The following AFF3 variants were observed in gnomAD, a reference collection of about 807,000 sequenced individuals.
AFF3 encodes ALF transcription elongation factor 3, also known as AF4/FMR2 family member 3.
AFF3 carries 32 observed loss-of-function variants against 129.7 expected under a neutral mutation model. The ratio of observed to expected loss-of-function variants is 0.25; its 90% CI spans 0.19 to 0.33. AFF3 has a LOEUF of 0.33. Ranked by LOEUF, AFF3 falls within the 10% of genes least tolerant of loss-of-function variation. The pLI, the probability that AFF3 is intolerant of heterozygous loss-of-function variation, is 1.00. For missense variants in AFF3, 1,373 were observed against 1,592.0 expected (o/e 0.86, Z 2.34); for synonymous variants, 644 against 635.4 (o/e 1.01, Z -0.20).
intron 9 of AFF3, 120 bp from the exon 10 acceptor site, chr2:99,744,260 A>G: frequency 1.3e-6 from 1 of 783,284 alleles, no homozygotes; most frequent in Non-Finnish European, 2.1e-6. Flanking sequence ...AATCTCTATC[A>G]GCTACTTTAA....
chr2:100,122,814 C>T (rs946504161), intron 2 of AFF3, among the ~76,000 whole-genome samples: 4 of 152,192 alleles, frequency 2.6e-5, no homozygotes, highest in Admixed American at 1.3e-4. Context: ...ATGAGAGACT[C>T]TGAGAATACC....
chr2:99,661,540 C>T (rs1686230489), intron 12 of AFF3, among the ~76,000 whole-genome samples: 1 of 152,188 alleles, frequency 6.6e-6, no homozygotes, highest in Non-Finnish European at 1.5e-5. Context: ...TGAAACTAGG[C>T]ATATCCCATG....
At chr2:99,994,619 G>C (rs1473261787) in intron 7 of AFF3, among the ~76,000 whole-genome samples, 1 of 152,096 alleles carries the variant, frequency 6.6e-6, no homozygotes, top group Non-Finnish European at 1.5e-5. Context: ...AGAGGAACGG[G>C]CCTTGAAGGA....
At chr2:99,958,933 G>C (rs1465321305) in intron 7 of AFF3, among the ~76,000 whole-genome samples, 2 of 151,924 alleles carry the variant, frequency 1.3e-5, no homozygotes, top group Non-Finnish European at 2.9e-5. Context: ...GGCAACATAG[G>C]GGGGCCCATC....
intron 7 of AFF3, among the ~76,000 whole-genome samples, chr2:99,869,043 T>C (rs1347996669): frequency 1.3e-5 from 2 of 152,058 alleles, no homozygotes; most frequent in Non-Finnish European, 2.9e-5. Context: ...CCTCTGCCTC[T>C]GCCTCTGCCT....
At chr2:100,077,114 T>C (rs1033990680) in intron 4 of AFF3, among the ~76,000 whole-genome samples, 1 of 151,978 alleles carries the variant, frequency 6.6e-6, no homozygotes, top group African/African-American at 2.4e-5. Flanking sequence ...CCGGGCATGG[T>C]GGCAGGCACC....
chr2:99,886,706 T>C (rs1218158342), intron 7 of AFF3, among the ~76,000 whole-genome samples: 1 of 152,120 alleles, frequency 6.6e-6, no homozygotes. Flanking sequence ...TGAAAAAAAT[T>C]AGTGATGGAA....
At chr2:100,084,759 G>A (rs1225099637) in intron 4 of AFF3, among the ~76,000 whole-genome samples, 2 of 151,980 alleles carry the variant, frequency 1.3e-5, no homozygotes, top group African/African-American at 4.8e-5. Flanking sequence ...TTTCATAAAA[G>A]GGGAATTCTG....
chr2:99,985,402 T>A (rs1679771978), intron 7 of AFF3, among the ~76,000 whole-genome samples: 1 of 152,238 alleles, frequency 6.6e-6, no homozygotes, highest in Non-Finnish European at 1.5e-5. Flanking sequence ...TTTGCTAAAT[T>A]TATTGCTGCC....
At chr2:99,832,090 C>T (rs1289773125) in intron 8 of AFF3, among the ~76,000 whole-genome samples, 2 of 152,208 alleles carry the variant, frequency 1.3e-5, no homozygotes, top group East Asian at 1.9e-4. Flanking sequence ...ACTATGAAAC[C>T]TTTGCATAAA....
At chr2:99,642,751 G>C (rs1167497225) in intron 13 of AFF3, among the ~76,000 whole-genome samples, 1 of 152,198 alleles carries the variant, frequency 6.6e-6, no homozygotes, top group Non-Finnish European at 1.5e-5. Context: ...TACTGACCAG[G>C]AGTCCAGGGA....
At chr2:99,735,036 T>A (rs373762288) in intron 10 of AFF3, among the ~76,000 whole-genome samples, 3 of 152,286 alleles carry the variant, frequency 2.0e-5, no homozygotes, top group Non-Finnish European at 1.5e-5. Context: ...ACTGGGCCAA[T>A]TGTTAAAACG....
chr2:99,947,387 G>A (rs1236033249), intron 7 of AFF3, among the ~76,000 whole-genome samples: 3 of 152,076 alleles, frequency 2.0e-5, no homozygotes, highest in South Asian at 2.1e-4. Context: ...AGGTTGCAGC[G>A]ACCCAAGGTC....
intron 11 of AFF3, among the ~76,000 whole-genome samples, chr2:99,721,801 A>C (rs1678914194): frequency 6.6e-6 from 1 of 152,222 alleles, no homozygotes; most frequent in African/African-American, 2.4e-5. Context: ...TCTTGAATCT[A>C]TAAATTAATG....
At chr2:99,575,215 A>C (rs977471010) in intron 18 of AFF3, among the ~76,000 whole-genome samples, 4 of 151,970 alleles carry the variant, frequency 2.6e-5, no homozygotes, top group African/African-American at 4.8e-5. Context: ...TGATCTCTTG[A>C]AGGTTGCTTA....
intron 11 of AFF3, among the ~76,000 whole-genome samples, chr2:99,704,439 C>A (rs1186675027): frequency 3.9e-5 from 6 of 152,136 alleles, no homozygotes; most frequent in Non-Finnish European, 8.8e-5. Context: ...CTAACATGTG[C>A]CACTTCAGCT....
chr2:100,001,506 G>A (rs980654088), intron 7 of AFF3, among the ~76,000 whole-genome samples: 2 of 152,142 alleles, frequency 1.3e-5, no homozygotes, highest in East Asian at 1.9e-4. Flanking sequence ...TCGTCTCACC[G>A]CAATTTCTGC....
chr2:99,564,103 CA>C (rs1281186850), intron 20 of AFF3, among the ~76,000 whole-genome samples: 4 of 152,216 alleles, frequency 2.6e-5, no homozygotes, highest in African/African-American at 4.8e-5. Flanking sequence ...CAGTTCACAG[CA>C]GGCCCTATGG....
Position 100,045,737 on chromosome 2 carries a change from A to T in AFF3, c.54-36805T>A, listed in dbSNP as rs114539825. The stretch of plus-strand genomic sequence containing the variant: ...GAAGATGGAAAGAATGAAGACCTTT[A>T]TGATGACCCACTTCCACTTAATGAA... On this transcript the variant is annotated intron_variant, in intron 4 of 24. Transcript: ENST00000672756. Among the ~76,000 whole-genome samples, 896 of 152,218 alleles carry T rather than the reference A, an allele frequency of 5.9e-3. 7 individuals are homozygous for T. Among genetic ancestry groups the T allele is most frequent in the African/African-American group, 0.021 (861 of 41,526 alleles).
Sources: gnomAD v4.1 joint callset for allele counts (sites outside exome capture counted in the v4.1 genomes callset) on GRCh38, gnomAD v4.1.1 for gene constraint, MANE v1.5 for transcripts, NCBI Gene and HGNC (gene_info 2026-07-23, HGNC 2026-07-21) for gene names.